Variants in SKA2 observed in about 807,000 individuals in gnomAD.
SKA2 encodes spindle and kinetochore associated complex subunit 2.
SKA2 carries 13 observed loss-of-function variants against 16.9 expected under a neutral mutation model. The observed-to-expected ratio is 0.77, with a 90% CI of 0.50 to 1.22. SKA2 has a LOEUF of 1.22. Ranked by LOEUF, SKA2 falls within the 50% of genes most tolerant of loss-of-function variation. SKA2 has a pLI of 0.00. For synonymous variants in SKA2, 47 were observed against 48.5 expected (o/e 0.97, Z 0.13); for missense variants, 107 against 139.7 (o/e 0.77, Z 1.18).
intron 1 of SKA2, among the ~76,000 whole-genome samples, chr17:59,138,416 C>T (rs2046462453): frequency 6.6e-6 from 1 of 151,494 alleles, no homozygotes; most frequent in African/African-American, 2.4e-5. Context: ...ATTAGGGATG[C>T]TCAACCAGTT....
At chr17:59,112,432 A>T in intron 3 of SKA2, 87 bp from the exon 4 acceptor site, 6 of 969,298 alleles carry the variant, frequency 6.2e-6, no homozygotes, top group Non-Finnish European at 7.9e-6. Context: ...CACACCAATA[A>T]ATGTTTCCCT....
chr17:59,126,722 T>G (rs996673319), intron 2 of SKA2, among the ~76,000 whole-genome samples: 1 of 152,154 alleles, frequency 6.6e-6, no homozygotes, highest in African/African-American at 2.4e-5. Flanking sequence ...CCTCAAAAAT[T>G]GAAACACAGA....
intron 3 of SKA2, among the ~76,000 whole-genome samples, chr17:59,113,017 A>G (rs755130690): frequency 1.3e-5 from 2 of 151,880 alleles, no homozygotes; most frequent in African/African-American, 2.4e-5. Context: ...ATCTCAAGCA[A>G]TCCTCCCACC....
intron 1 of SKA2, among the ~76,000 whole-genome samples, chr17:59,140,863 T>C (rs940275835): frequency 6.7e-6 from 1 of 150,174 alleles, no homozygotes; most frequent in African/African-American, 2.5e-5. Flanking sequence ...GACCTTGTGA[T>C]CCACCCGCCT....
At position 59,111,299 on chromosome 17, in the gene SKA2, C is replaced by T. The variant is rs2046262483; in HGVS notation, c.*978G>A. The T allele has an allele frequency of 6.6e-6, 1 of 152,132 alleles. No individual in the cohort carries two copies. The highest frequency in any genetic ancestry group is 2.1e-4 in the South Asian group (1 of 4,816). The allele number at this position is 152,132 out of a possible 1,614,324, so 9.4% of individuals were successfully genotyped here. On this transcript the variant is annotated 3_prime_UTR_variant, in exon 4 of 4. Transcript: ENST00000330137. ...AGTAATAATTTATTGGCAACTTGAC[C>T]TCTTATTGTATACATACAGCATGAT...
chr17:59,144,130 T>G (rs980099247), intron 1 of SKA2, among the ~76,000 whole-genome samples: 5 of 151,716 alleles, frequency 3.3e-5, no homozygotes, highest in Admixed American at 2.6e-4. Context: ...GAGGCCGAGG[T>G]TGCAGTAAGC....
intron 1 of SKA2, among the ~76,000 whole-genome samples, chr17:59,142,480 G>A (rs776217974): frequency 4.6e-5 from 7 of 151,536 alleles, no homozygotes; most frequent in Admixed American, 6.6e-5. Flanking sequence ...AGTAGAGATG[G>A]GGTTTCTCTA....
chr17:59,147,963 C>T (rs963499414), intron 1 of SKA2, among the ~76,000 whole-genome samples: 4 of 151,980 alleles, frequency 2.6e-5, no homozygotes, highest in African/African-American at 9.7e-5. Flanking sequence ...CTGCCTTAGC[C>T]TCCCAAGTAG....
chr17:59,153,919 G>A (rs1301038932), intron 1 of SKA2, among the ~76,000 whole-genome samples: 2 of 151,788 alleles, frequency 1.3e-5, no homozygotes, highest in Non-Finnish European at 2.9e-5. Flanking sequence ...CTACAGGCGC[G>A]TGCCATCACA....
intron 1 of SKA2, among the ~76,000 whole-genome samples, chr17:59,139,213 C>T (rs916951359): frequency 2.3e-4 from 35 of 151,908 alleles, no homozygotes; most frequent in Non-Finnish European, 3.1e-4. Context: ...CTGGCTAACA[C>T]GGTGAAACCC....
chr17:59,136,298 G>T (rs1235148170), intron 1 of SKA2, among the ~76,000 whole-genome samples: 1 of 151,956 alleles, frequency 6.6e-6, no homozygotes, highest in Non-Finnish European at 1.5e-5. Flanking sequence ...AAGTAGCTGG[G>T]ATTACAGGCG....
intron 2 of SKA2, among the ~76,000 whole-genome samples, chr17:59,121,129 G>A (rs1207296383): frequency 2.7e-5 from 4 of 149,166 alleles, no homozygotes; most frequent in East Asian, 3.9e-4. Flanking sequence ...TCCAGCCTGG[G>A]CGACTGAGGG....
At chr17:59,130,545 G>A (rs892525957) in intron 2 of SKA2, among the ~76,000 whole-genome samples, 4 of 150,910 alleles carry the variant, frequency 2.7e-5, no homozygotes, top group Admixed American at 6.6e-5. Flanking sequence ...CAAGAGAATC[G>A]CTTGAACCCA....
chr17:59,111,028 T>G lies in SKA2; in HGVS notation c.*1249A>C, dbSNP rs2046260878. 6.6e-6 allele frequency: 1 copy of G among 152,220 alleles called. No homozygotes were observed. The highest frequency in any genetic ancestry group is 1.5e-5 in the Non-Finnish European group (1 of 68,034). 9.4% of individuals were successfully genotyped at this position (152,220 alleles called of 1,614,324 possible). On this transcript the variant is annotated 3_prime_UTR_variant, in exon 4 of 4. Transcript: ENST00000330137. ...CAATGCTTAGTTTTTATTACATGTA[T>G]GTAATATCACTTATTGAAGGCTTAC...
chr17:59,113,465 G>A (rs1479038005), intron 3 of SKA2, among the ~76,000 whole-genome samples: 2 of 152,030 alleles, frequency 1.3e-5, no homozygotes, highest in Non-Finnish European at 2.9e-5. Context: ...GGAGGCTGCA[G>A]TGACCCAAGA....
intron 1 of SKA2, among the ~76,000 whole-genome samples, chr17:59,146,043 T>A (rs1253611124): frequency 6.6e-6 from 1 of 151,928 alleles, no homozygotes; most frequent in Non-Finnish European, 1.5e-5. Flanking sequence ...AGCACTTTTA[T>A]CTACAATTAG....
At chr17:59,113,220 C>T (rs1332400456) in intron 3 of SKA2, among the ~76,000 whole-genome samples, 2 of 151,444 alleles carry the variant, frequency 1.3e-5, no homozygotes, top group Non-Finnish European at 2.9e-5. Context: ...AAGACCTCAT[C>T]TTAAGAAAAG....
At chr17:59,119,943 C>G (rs1379489556) in intron 2 of SKA2, among the ~76,000 whole-genome samples, 1 of 150,346 alleles carries the variant, frequency 6.7e-6, no homozygotes, top group African/African-American at 2.4e-5. Context: ...GAGTCTCACT[C>G]TGTTGCCCAG....
chr17:59,116,758 C>A (rs1599657450), intron 3 of SKA2, among the ~76,000 whole-genome samples: 1 of 146,886 alleles, frequency 6.8e-6, no homozygotes, highest in East Asian at 2.1e-4. Context: ...TTTAAAATAA[C>A]CTTTTGGTTA....
Sources: gnomAD v4.1 joint callset for allele counts (sites outside exome capture counted in the v4.1 genomes callset) on GRCh38, gnomAD v4.1.1 for gene constraint, MANE v1.5 for transcripts, NCBI Gene and HGNC (gene_info 2026-07-23, HGNC 2026-07-21) for gene names.